The following MYO9A variants were observed in gnomAD, a reference collection of about 807,000 sequenced individuals.
MYO9A encodes the protein myosin IXA, also known as unconventional myosin-IXa.
MYO9A carries 103 observed loss-of-function variants against 293.3 expected under a neutral mutation model. That is an observed-to-expected ratio of 0.35 (90% confidence interval 0.30 to 0.41). The LOEUF is 0.41. MYO9A is among the 10% of genes least tolerant of loss of function. The pLI is 1.00. For missense variants in MYO9A, 2,685 were observed against 3,033.0 expected (o/e 0.89, Z 2.69); for synonymous variants, 1,001 against 1,035.7 (o/e 0.97, Z 0.64).
chr15:72,004,677 A>T (rs2076968272), intron 8 of MYO9A, among the ~76,000 whole-genome samples: 1 of 152,222 alleles, frequency 6.6e-6, no homozygotes, highest in Admixed American at 6.5e-5. Context: ...TAGTTCTAAT[A>T]TCTCACAACA....
chr15:71,959,670 T>C (rs1264700999), intron 14 of MYO9A: 2 of 498,170 alleles, frequency 4.0e-6, no homozygotes, highest in East Asian at 6.8e-5. Context: ...CATGAACAGA[T>C]GCTCTGACTT....
intron 39 of MYO9A, among the ~76,000 whole-genome samples, chr15:71,836,991 A>G (rs554945982): frequency 6.6e-6 from 1 of 151,648 alleles, no homozygotes; most frequent in African/African-American, 2.4e-5. Flanking sequence ...TGTGTTTTGT[A>G]TGTGTTTTGT....
chr15:71,888,931 C>T lies in MYO9A; in HGVS notation c.5143-815G>A, dbSNP rs77568734. Reference sequence around the variant, plus strand: ...ACCTGAAACCAACAAAAAACCCAGACAAAATAATATGAAACCGCAATGTTT... The same window carrying T: ...ACCTGAAACCAACAAAAAACCCAGATAAAATAATATGAAACCGCAATGTTT... On this transcript the variant is annotated intron_variant, in intron 26 of 41. Coordinates refer to ENST00000356056, the MANE Select transcript of MYO9A (RefSeq NM_006901.4). Among the ~76,000 whole-genome samples, 18 of 152,162 alleles carry T rather than the reference C, an allele frequency of 1.2e-4. No homozygotes were observed. The East Asian group carries it at 3.5e-3, about 29-fold the overall frequency.
chr15:71,849,428 G>A (rs575524449), intron 38 of MYO9A, among the ~76,000 whole-genome samples: 24 of 152,054 alleles, frequency 1.6e-4, no homozygotes, highest in Admixed American at 1.4e-3. Context: ...CAGCCTAGGC[G>A]ACAAGAGTAA....
intron 39 of MYO9A, among the ~76,000 whole-genome samples, chr15:71,848,163 G>A (rs1386515419): frequency 2.0e-5 from 3 of 151,202 alleles, no homozygotes; most frequent in African/African-American, 7.3e-5. Context: ...CTGACTTCAG[G>A]GTAACATATA....
At chr15:71,831,706 G>A (rs535107368) in intron 39 of MYO9A, among the ~76,000 whole-genome samples, 1 of 152,206 alleles carries the variant, frequency 6.6e-6, no homozygotes, top group Admixed American at 6.5e-5. Context: ...ACATTATCTA[G>A]GCCTCAAAAT....
intron 1 of MYO9A, among the ~76,000 whole-genome samples, chr15:72,106,362 C>T (rs2080568767): frequency 6.6e-6 from 1 of 152,068 alleles, no homozygotes; most frequent in South Asian, 2.1e-4. Context: ...CACAGTGGCA[C>T]GCACCTATAG....
At position 71,823,878 on chromosome 15, in the gene MYO9A, T is replaced by C. The variant is rs564145032; in HGVS notation, c.*2702A>G. On this transcript the variant is annotated 3_prime_UTR_variant, in exon 42 of 42. Transcript: ENST00000356056. ...ACTATGGAACCACAAATGTGATGCA[T>C]ATTAAGGGCTAACAGTTTCATAAGT... 5 of 152,324 alleles carry C rather than the reference T, an allele frequency of 3.3e-5. 1 individual carries two copies. In the East Asian group the frequency reaches 7.7e-4, roughly 24 times the overall value. 9.4% of individuals were successfully genotyped at this position (152,324 alleles called of 1,614,324 possible).
At chr15:71,966,275 T>TGTGTGG (rs2147216297) in intron 13 of MYO9A, among the ~76,000 whole-genome samples, 1 of 146,932 alleles carries the variant, frequency 6.8e-6, no homozygotes, top group South Asian at 2.1e-4. Flanking sequence ...AGTGTGTGTG[T>TGTGTGG]GTGTGTGTGT....
chr15:72,090,232 A>C (rs1596548659), intron 1 of MYO9A, among the ~76,000 whole-genome samples: 1 of 152,338 alleles, frequency 6.6e-6, no homozygotes, highest in African/African-American at 2.4e-5. Context: ...TCTAAGCTTT[A>C]GAAGTTCTTC....
At chr15:72,016,621 T>C (rs546825378) in intron 6 of MYO9A, among the ~76,000 whole-genome samples, 1 of 152,354 alleles carries the variant, frequency 6.6e-6, no homozygotes, top group Admixed American at 6.5e-5. Flanking sequence ...AAATATATTA[T>C]GAGGAAGAGC....
At chr15:71,877,315 T>C (rs1482343774) in intron 31 of MYO9A, among the ~76,000 whole-genome samples, 1 of 152,222 alleles carries the variant, frequency 6.6e-6, no homozygotes, top group African/African-American at 2.4e-5. Context: ...AGGTTATTAT[T>C]ATTATACAGA....
chr15:72,092,024 A>G (rs2079930416), intron 1 of MYO9A, among the ~76,000 whole-genome samples: 2 of 152,174 alleles, frequency 1.3e-5, no homozygotes, highest in African/African-American at 4.8e-5. Context: ...CGAAAAATAT[A>G]TATTCTTAAA....
At chr15:71,900,514 C>T (rs1330840332) in intron 23 of MYO9A, among the ~76,000 whole-genome samples, 1 of 152,120 alleles carries the variant, frequency 6.6e-6, no homozygotes, top group Non-Finnish European at 1.5e-5. Context: ...AAAAAGTTTT[C>T]TCTTCCAGAT....
At chr15:71,986,527 C>T (rs539582949) in intron 11 of MYO9A, among the ~76,000 whole-genome samples, 13 of 152,230 alleles carry the variant, frequency 8.5e-5, no homozygotes, top group African/African-American at 2.9e-4. Flanking sequence ...CCTAATCTCA[C>T]GAAAAATTCA....
intron 5 of MYO9A, among the ~76,000 whole-genome samples, chr15:72,019,330 C>T (rs1335665907): frequency 2.6e-5 from 4 of 151,986 alleles, no homozygotes; most frequent in Admixed American, 1.3e-4. Flanking sequence ...AAACTGAGTC[C>T]CATATCCTAT....
chr15:71,868,977 G>C (rs889046164), intron 32 of MYO9A, among the ~76,000 whole-genome samples: 1 of 152,086 alleles, frequency 6.6e-6, no homozygotes, highest in African/African-American at 2.4e-5. Flanking sequence ...AATTTGTCCA[G>C]TGGCACTTCC....
At chr15:72,114,856 A>G (rs956328703) in intron 1 of MYO9A, among the ~76,000 whole-genome samples, 29 of 152,222 alleles carry the variant, frequency 1.9e-4, no homozygotes, top group Non-Finnish European at 4.1e-4. Flanking sequence ...ACATAACCAA[A>G]AATCACTCCA....
At position 71,878,099 on chromosome 15, in the gene MYO9A, T is replaced by G. The variant is rs764598053; in HGVS notation, c.5872A>C (p.Lys1958Gln). ...SPVRVWVNTFKVFLDEYMNEF... is the reference protein window; with the variant it reads ...SPVRVWVNTFQVFLDEYMNEF... ...TTCATATATTCATCTAAAAACACTT[T>G]AAAAGTGTTGACCCAAACTCTCACT... is the stretch of plus-strand genomic sequence containing the variant. The change falls in exon 31 of 42, where the codon AAA becomes CAA. Residue 1958 changes from lysine (K) to glutamine (Q), a missense_variant. Around this residue, in one of 10 missense-constraint regions of MYO9A, gnomAD observed 1,434 missense variants for 1,497.7 expected, o/e 0.96. Transcript: ENST00000356056. The G allele has an allele frequency of 6.2e-7, 1 of 1,611,512 alleles. No individual in the cohort carries two copies. Among genetic ancestry groups the G allele is most frequent in the Non-Finnish European group, 8.5e-7 (1 of 1,179,300 alleles).
Sources: gnomAD v4.1 joint callset for allele counts (sites outside exome capture counted in the v4.1 genomes callset) on GRCh38, gnomAD v4.1.1 for gene constraint, gnomAD v4.1.1 regional missense constraint, MANE v1.5 for transcripts, NCBI Gene and HGNC (gene_info 2026-07-23, HGNC 2026-07-21) for gene names.